Variants in LINGO2 observed in about 807,000 individuals in gnomAD.
LINGO2 encodes leucine rich repeat and Ig domain containing 2, also known as leucine-rich repeat and immunoglobulin-like domain-containing nogo receptor-interacting protein 2.
LINGO2 carries 14 observed loss-of-function variants against 30.6 expected under a neutral mutation model. The observed-to-expected ratio is 0.46, with a 90% CI of 0.30 to 0.72. LINGO2 has a LOEUF of 0.72. Among genes scored for constraint, LINGO2 ranks in the 30% least tolerant of loss-of-function variants. The pLI is 0.07. For missense variants in LINGO2, 729 were observed against 751.7 expected, an observed-to-expected ratio of 0.97 and a Z score of 0.35; for synonymous variants, 317 against 288.5, an observed-to-expected ratio of 1.10 and a Z score of -1.00.
the LINGO2 span, among the ~76,000 whole-genome samples, chr9:29,210,378 A>G: frequency 6.6e-6 from 1 of 152,192 alleles, no homozygotes; most frequent in African/African-American, 2.4e-5. Context: ...TCAGAAATAC[A>G]TTTGAGCCCT....
the LINGO2 span, among the ~76,000 whole-genome samples, chr9:28,956,922 C>G: frequency 2.0e-5 from 3 of 151,666 alleles, no homozygotes; most frequent in African/African-American, 7.3e-5. Flanking sequence ...ATTGCCATCT[C>G]TTGGGATGAT....
chr9:28,795,184 A>G, the LINGO2 span, among the ~76,000 whole-genome samples: 6,314 of 152,212 alleles, frequency 0.041, 405 homozygotes, highest in African/African-American at 0.14. Context: ...CCCTTAGCAA[A>G]TAAGTTCATA....
intron 1 of LINGO2, among the ~76,000 whole-genome samples, chr9:28,632,144 G>C (rs1037412294): frequency 1.3e-5 from 2 of 152,092 alleles, no homozygotes; most frequent in Non-Finnish European, 2.9e-5. Context: ...AAGTGGGGAA[G>C]AAGTAGAAGA....
chr9:29,158,457 A>C, the LINGO2 span, among the ~76,000 whole-genome samples: 1 of 152,320 alleles, frequency 6.6e-6, no homozygotes, highest in Admixed American at 6.5e-5. Context: ...CAACTGAAAA[A>C]GATTTTGGAG....
At chr9:28,997,619 C>T in the LINGO2 span, among the ~76,000 whole-genome samples, 2,465 of 152,138 alleles carry the variant, frequency 0.016, 80 homozygotes, top group African/African-American at 0.056. Context: ...GTCAGGAGAT[C>T]GAGACCATCC....
At chr9:28,763,684 G>A in the LINGO2 span, among the ~76,000 whole-genome samples, 1 of 151,020 alleles carries the variant, frequency 6.6e-6, no homozygotes, top group Non-Finnish European at 1.5e-5. Context: ...TGAAGAGTAG[G>A]GCAAAAATAA....
chr9:28,217,455 T>C (rs1468862016), intron 4 of LINGO2, among the ~76,000 whole-genome samples: 1 of 152,062 alleles, frequency 6.6e-6, no homozygotes, highest in African/African-American at 2.4e-5. Context: ...AGTTTGTGCA[T>C]GTGTTCTAAA....
chr9:28,956,162 C>T, the LINGO2 span, among the ~76,000 whole-genome samples: 5 of 151,866 alleles, frequency 3.3e-5, no homozygotes, highest in African/African-American at 7.3e-5. Context: ...TATCAGTCCA[C>T]GGCATGAAAA....
intron 3 of LINGO2, among the ~76,000 whole-genome samples, chr9:28,352,451 G>A: frequency 2.9e-5 from 1 of 34,516 alleles, no homozygotes; most frequent in African/African-American, 1.1e-4. Context: ...CAAGGGATGC[G>A]AAGGACCTCT....
chr9:28,094,513 A>ATG (rs148153724), intron 4 of LINGO2, among the ~76,000 whole-genome samples: 25,967 of 150,428 alleles, frequency 0.17, 2,264 homozygotes, highest in Middle Eastern at 0.29. Flanking sequence ...GAAAGGGGAT[A>ATG]TGTGTGTGTG....
intron 2 of LINGO2, among the ~76,000 whole-genome samples, chr9:28,464,368 TTTATA>T (rs750101559): frequency 1.3e-5 from 2 of 152,138 alleles, no homozygotes; most frequent in Non-Finnish European, 2.9e-5. Context: ...AAATCTAAGT[TTTATA>T]TTATAGTTGT....
intron 4 of LINGO2, among the ~76,000 whole-genome samples, chr9:28,155,124 G>A (rs1828098255): frequency 2.0e-5 from 3 of 152,180 alleles, no homozygotes; most frequent in Admixed American, 1.3e-4. Flanking sequence ...CAAGCAACTG[G>A]CACATGGTGC....
At position 28,089,002 on chromosome 9, in the gene LINGO2, CAAG is replaced by C. The variant is rs1211472377; in HGVS notation, c.-86-76600_-86-76598del. ...CATAATGGTAAAGGGATCAATTCAA[CAAG>C]AAGAGCTAACTATCCTAAATATATA... On this transcript the variant is annotated intron_variant, in intron 4 of 5. Transcript: ENST00000379992. Among the ~76,000 whole-genome samples, 4 of 152,176 alleles carry C rather than the reference CAAG, an allele frequency of 2.6e-5. No individual in the cohort carries two copies. The East Asian group carries it at 5.8e-4, about 22-fold the overall frequency.
At chr9:28,304,847 T>C (rs754273961) in intron 3 of LINGO2, among the ~76,000 whole-genome samples, 1 of 151,910 alleles carries the variant, frequency 6.6e-6, no homozygotes, top group Non-Finnish European at 1.5e-5. Context: ...AAATAAAGCA[T>C]GAAAAACAAA....
chr9:28,638,580 C>A (rs1827404542), intron 1 of LINGO2, among the ~76,000 whole-genome samples: 1 of 152,118 alleles, frequency 6.6e-6, no homozygotes, highest in African/African-American at 2.4e-5. Context: ...TTACCCATTT[C>A]TTCTAGCTTT....
chr9:28,285,001 G>A (rs976725349), intron 4 of LINGO2, among the ~76,000 whole-genome samples: 2 of 152,172 alleles, frequency 1.3e-5, no homozygotes, highest in African/African-American at 4.8e-5. Flanking sequence ...TCTTCAAAGA[G>A]CCTGAAGAAG....
At chr9:28,120,894 G>GA (rs978662211) in intron 4 of LINGO2, among the ~76,000 whole-genome samples, 1 of 150,756 alleles carries the variant, frequency 6.6e-6, no homozygotes, top group Admixed American at 6.6e-5. Flanking sequence ...AGTGAAATAG[G>GA]AAAAAAAAGT....
the LINGO2 span, among the ~76,000 whole-genome samples, chr9:28,929,718 G>A: frequency 2.0e-5 from 3 of 152,164 alleles, no homozygotes; most frequent in Non-Finnish European, 4.4e-5. Flanking sequence ...AAAGCTGAGT[G>A]AGAGTGCAAA....
chr9:28,139,869 C>A (rs1289556488), intron 4 of LINGO2, among the ~76,000 whole-genome samples: 3 of 151,986 alleles, frequency 2.0e-5, no homozygotes, highest in Non-Finnish European at 4.4e-5. Context: ...CATTGAACTC[C>A]CTTACTAATC....
Sources: allele counts gnomAD v4.1 joint callset (sites outside exome capture counted in the v4.1 genomes callset), GRCh38; gene constraint gnomAD v4.1.1; transcripts MANE v1.5; gene names NCBI Gene and HGNC (gene_info 2026-07-23, HGNC 2026-07-21).